Variants in CSMD1 observed in about 807,000 individuals in gnomAD.
CSMD1 encodes CUB and Sushi multiple domains 1.
Under a neutral mutation model 417.5 loss-of-function variants are expected in CSMD1, and 213 were observed. The observed-to-expected ratio is 0.51, with a 90% CI of 0.46 to 0.57. CSMD1 has a LOEUF of 0.57. Among genes scored for constraint, CSMD1 ranks in the 20% least tolerant of loss-of-function variants. CSMD1 has a pLI of 0.00. For synonymous variants in CSMD1, 2,862 were observed against 1,736.8 expected, an observed-to-expected ratio of 1.65 and a Z score of -16.11; for missense variants, 6,923 against 4,529.7, an observed-to-expected ratio of 1.53 and a Z score of -15.17.
chr8:3,703,192 C>T (rs933472257), intron 7 of CSMD1, among the ~76,000 whole-genome samples: 15 of 152,128 alleles, frequency 9.9e-5, no homozygotes, highest in Non-Finnish European at 1.6e-4. Flanking sequence ...TGTTGAGAGT[C>T]GCCCTCACCG....
In CSMD1 at chr8:4,561,174, A is replaced by G. The variant is rs184570570; in HGVS notation, c.302+76168T>C. Among the ~76,000 whole-genome samples the G allele has an allele frequency of 9.7e-4, 148 of 152,324 alleles. 1 individual carries two copies. The highest frequency in any genetic ancestry group is 3.3e-3 in the African/African-American group (137 of 41,568). On this transcript the variant is annotated intron_variant, in intron 2 of 69. Transcript: ENST00000635120. The stretch of plus-strand genomic sequence containing the variant: ...ATCATGAGGTCAGGAGATCAAGACC[A>G]TCCTGGCCAACCTGGTGAAACCCCA...
intron 50 of CSMD1, among the ~76,000 whole-genome samples, chr8:3,037,070 C>G (rs1810730563): frequency 6.6e-6 from 1 of 152,188 alleles, no homozygotes. Context: ...GAGAACATAA[C>G]GATATTTGGT....
chr8:3,504,145 T>C (rs1182900240), intron 10 of CSMD1, among the ~76,000 whole-genome samples: 1 of 152,156 alleles, frequency 6.6e-6, no homozygotes, highest in Non-Finnish European at 1.5e-5. Flanking sequence ...GATGAATATG[T>C]TAATTCCCAT....
At chr8:4,448,015 A>G (rs117083612) in intron 2 of CSMD1, among the ~76,000 whole-genome samples, 2,837 of 152,286 alleles carry the variant, frequency 0.019, 37 homozygotes, top group Non-Finnish European at 0.03. Context: ...TGGTAAAACT[A>G]AAAAACTAAA....
chr8:4,223,562 C>T (rs1419235298), intron 3 of CSMD1, among the ~76,000 whole-genome samples: 1 of 152,242 alleles, frequency 6.6e-6, no homozygotes, highest in African/African-American at 2.4e-5. Context: ...GCCTGCAAGG[C>T]AGGACCTGTG....
At chr8:3,071,392 C>T (rs1186246672) in intron 49 of CSMD1, among the ~76,000 whole-genome samples, 2 of 152,080 alleles carry the variant, frequency 1.3e-5, no homozygotes, top group East Asian at 3.9e-4. Flanking sequence ...AGGACAAATA[C>T]CTAATGAATG....
chr8:4,438,789 G>T (rs960078552), intron 2 of CSMD1, among the ~76,000 whole-genome samples: 1 of 152,158 alleles, frequency 6.6e-6, no homozygotes, highest in Non-Finnish European at 1.5e-5. Flanking sequence ...AGTGCTTGAA[G>T]GATCAAAAGA....
chr8:3,197,042 G>T (rs1165631730), intron 33 of CSMD1, among the ~76,000 whole-genome samples: 1 of 152,048 alleles, frequency 6.6e-6, no homozygotes, highest in African/African-American at 2.4e-5. Context: ...AAGAAGTGTG[G>T]AAAACACACA....
intron 50 of CSMD1, among the ~76,000 whole-genome samples, chr8:3,039,375 T>A (rs1182025908): frequency 1.5e-5 from 2 of 131,994 alleles, no homozygotes; most frequent in African/African-American, 7.8e-5. Context: ...TACTTTCCTT[T>A]CTTCCTTCCT....
chr8:4,037,990 A>G (rs1314322376), intron 3 of CSMD1, among the ~76,000 whole-genome samples: 2 of 152,184 alleles, frequency 1.3e-5, no homozygotes, highest in African/African-American at 2.4e-5. Flanking sequence ...AAAATAATGT[A>G]TAATTTTAGT....
chr8:3,709,166 G>A (rs1343207548), intron 6 of CSMD1, among the ~76,000 whole-genome samples: 3 of 57,416 alleles, frequency 5.2e-5, no homozygotes, highest in South Asian at 1.2e-3. Context: ...TTTTTTTTTT[G>A]GTCACTTACG....
intron 23 of CSMD1, among the ~76,000 whole-genome samples, chr8:3,340,108 T>A (rs6993683): frequency 6.6e-6 from 1 of 152,128 alleles, no homozygotes; most frequent in African/African-American, 2.4e-5. Flanking sequence ...GCCTGCCAAA[T>A]GAGGATCACC....
At chr8:4,541,851 G>C (rs1277989378) in intron 2 of CSMD1, among the ~76,000 whole-genome samples, 1 of 152,102 alleles carries the variant, frequency 6.6e-6, no homozygotes, top group Non-Finnish European at 1.5e-5. Flanking sequence ...TGTACAGTCA[G>C]CAATATGAAA....
At chr8:3,318,817 A>G (rs1805957016) in intron 23 of CSMD1, among the ~76,000 whole-genome samples, 1 of 152,198 alleles carries the variant, frequency 6.6e-6, no homozygotes, top group Non-Finnish European at 1.5e-5. Context: ...GCCACACACC[A>G]AGAAATAAAT....
At chr8:3,096,715 T>A in intron 47 of CSMD1, 134 bp downstream of exon 47, 1 of 650,122 alleles carries the variant, frequency 1.5e-6, no homozygotes, top group Non-Finnish European at 2.6e-6. Context: ...CAAACTAGTT[T>A]ATTTTTTGTT....
chr8:3,765,058 T>C (rs1051716020), intron 5 of CSMD1, among the ~76,000 whole-genome samples: 1 of 152,178 alleles, frequency 6.6e-6, no homozygotes, highest in Non-Finnish European at 1.5e-5. Context: ...CTGCCCTTTT[T>C]TCTAAAAATA....
intron 5 of CSMD1, among the ~76,000 whole-genome samples, chr8:3,782,841 G>A (rs764671319): frequency 3.3e-5 from 5 of 152,062 alleles, no homozygotes; most frequent in African/African-American, 4.8e-5. Context: ...CTTATGGAGC[G>A]ACTTTCTTGC....
intron 10 of CSMD1, among the ~76,000 whole-genome samples, chr8:3,562,433 C>T (rs1191598906): frequency 1.3e-5 from 1 of 77,370 alleles, no homozygotes; most frequent in African/African-American, 3.7e-5. Flanking sequence ...CATGCACACA[C>T]ACGTGCACAT....
intron 1 of CSMD1, among the ~76,000 whole-genome samples, chr8:4,712,148 G>A (rs1808346188): frequency 6.6e-6 from 1 of 152,208 alleles, no homozygotes; most frequent in Non-Finnish European, 1.5e-5. Context: ...GGATGGCATA[G>A]ACCAGTGAAC....
Sources: allele counts gnomAD v4.1 joint callset (sites outside exome capture counted in the v4.1 genomes callset), GRCh38; gene constraint gnomAD v4.1.1; transcripts MANE v1.5; gene names NCBI Gene and HGNC (gene_info 2026-07-23, HGNC 2026-07-21).